Variants in OR2T6 observed in about 807,000 individuals in gnomAD.
OR2T6 encodes olfactory receptor family 2 subfamily T member 6.
For missense variants in OR2T6, 424 were observed against 391.6 expected (o/e 1.08, Z -0.70); for synonymous variants, 174 against 148.0 (o/e 1.18, Z -1.27).
intron 1 of OR2T6, among the ~76,000 whole-genome samples, chr1:248,382,352 C>T (rs1661048759): frequency 6.6e-6 from 1 of 152,132 alleles, no homozygotes; most frequent in South Asian, 2.1e-4. Flanking sequence ...CCCAGACACA[C>T]ACAGTGTATT....
chr1:248,388,247 G>C lies in OR2T6; in HGVS notation c.639G>C (p.Val213=). The C allele has an allele frequency of 6.2e-7, 1 of 1,613,948 alleles. No individual in the cohort carries two copies. The highest frequency in any genetic ancestry group is 8.5e-7 in the Non-Finnish European group (1 of 1,179,950). Reference sequence around the variant, plus strand: ...CAATGCTGCTGATCCCCTTCTCGGTGGTGACTGCATCCTACACCAGGATTC... The same window carrying C: ...CAATGCTGCTGATCCCCTTCTCGGTCGTGACTGCATCCTACACCAGGATTC... ...CVAMLLIPFS[V]VTASYTRILI... The change falls in exon 3 of 3, where the codon GTG becomes GTC. Residue 213 remains valine, a synonymous_variant. Coordinates refer to ENST00000641644, the MANE Select transcript of OR2T6 (RefSeq NM_001005471.2).
chr1:248,381,959 G>A (rs1007844139), intron 1 of OR2T6, among the ~76,000 whole-genome samples: 2 of 152,068 alleles, frequency 1.3e-5, no homozygotes. Context: ...TGAACAGATA[G>A]CACATTCTAG....
At chr1:248,387,069 A>G (rs7417519) in intron 2 of OR2T6, among the ~76,000 whole-genome samples, 112,813 of 152,142 alleles carry the variant, frequency 0.74, 42,225 homozygotes, top group African/African-American at 0.83. Context: ...CATAAGAATG[A>G]CCAATGATCA....
chr1:248,388,467 C>G lies in OR2T6; in HGVS notation c.859C>G (p.Pro287Ala). 6.2e-7 allele frequency: 1 copy of G among 1,609,168 alleles called. No individual in the cohort carries two copies. The highest frequency in any genetic ancestry group is 8.5e-7 in the Non-Finnish European group (1 of 1,177,440). ...FYTILTPLLN[P>A]LIYSLRNRDV... is the part of the protein sequence containing the mutation. ...TACCATCCTCACACCCTTATTAAACCCTCTCATCTACAGTCTGAGGAACAG... is the reference window on the plus strand; with the variant it reads ...TACCATCCTCACACCCTTATTAAACGCTCTCATCTACAGTCTGAGGAACAG... Residue 287 changes from proline to alanine, a missense_variant, in exon 3 of 3, where the codon CCT becomes GCT. Physicochemically the swap from Pro to Ala is conservative, Grantham distance 27. Coordinates refer to ENST00000641644, the MANE Select transcript of OR2T6 (RefSeq NM_001005471.2).
At chr1:248,386,853 C>T (rs538705429) in intron 2 of OR2T6, among the ~76,000 whole-genome samples, 20 of 152,342 alleles carry the variant, frequency 1.3e-4, no homozygotes, top group African/African-American at 4.8e-4. Flanking sequence ...AAGTTTTCCG[C>T]AAAGCCCTTA....
Position 248,388,608 on chromosome 1 carries a change from G to T in OR2T6, c.*73G>T. The T allele has an allele frequency of 8.6e-7, 1 of 1,159,578 alleles. No individual in the cohort carries two copies. The highest frequency in any genetic ancestry group is 1.2e-6 in the Non-Finnish European group (1 of 823,870). The allele number at this position is 1,159,578 out of a possible 1,614,324, so 71.8% of individuals were successfully genotyped here. A position where few individuals can be genotyped will look rare whatever the true frequency, so the allele number is the denominator to read the frequency against. On this transcript the variant is annotated 3_prime_UTR_variant, in exon 3 of 3. Transcript: ENST00000641644. The stretch of plus-strand genomic sequence containing the variant: ...CACATCCTGTTCAGGCATATATGGG[G>T]TCGTATCATGGATACCACGGATGAT...
chr1:248,381,359 T>G (rs1480921640), intron 1 of OR2T6, among the ~76,000 whole-genome samples: 1 of 152,090 alleles, frequency 6.6e-6, no homozygotes, highest in Non-Finnish European at 1.5e-5. Context: ...TTGTATATGT[T>G]TTTATTTATA....
At chr1:248,382,767 A>G (rs28546934) in intron 1 of OR2T6, among the ~76,000 whole-genome samples, 115,345 of 151,926 alleles carry the variant, frequency 0.76, 44,481 homozygotes, top group African/African-American at 0.9. Flanking sequence ...CAGGTGATCC[A>G]CCCACTTTGG....
At chr1:248,386,528 G>GA (rs1167476973) in intron 2 of OR2T6, among the ~76,000 whole-genome samples, 1 of 151,902 alleles carries the variant, frequency 6.6e-6, no homozygotes, top group African/African-American at 2.4e-5. Flanking sequence ...GAGATAAAAA[G>GA]AAAAAAACAG....
Position 248,390,901 on chromosome 1 carries a change from G to T in OR2T6, c.*2366G>T. 6.6e-6 allele frequency: 1 copy of T among 152,208 alleles called. No individual in the cohort carries two copies. Among genetic ancestry groups the T allele is most frequent in the African/African-American group, 2.4e-5 (1 of 41,538 alleles). 9.4% of individuals were successfully genotyped at this position (152,208 alleles called of 1,614,324 possible). ...TTAATACATACTTTTTTTCTTGTAA[G>T]ATTTTAAAATCAAGTAAAATGATGA... On this transcript the variant is annotated 3_prime_UTR_variant, in exon 3 of 3. Transcript: ENST00000641644.
intron 1 of OR2T6, among the ~76,000 whole-genome samples, chr1:248,377,303 C>G (rs1450357705): frequency 6.6e-6 from 1 of 152,176 alleles, no homozygotes; most frequent in Non-Finnish European, 1.5e-5. Flanking sequence ...GATATCAAAG[C>G]AAATCTTCTG....
chr1:248,388,410 CCA>C lies in OR2T6; in HGVS notation c.803_804del (p.Pro268HisfsTer4). The C allele has an allele frequency of 8.7e-6, 14 of 1,613,768 alleles. No individual in the cohort carries two copies. Among genetic ancestry groups the C allele is most frequent in the Non-Finnish European group, 1.2e-5 (14 of 1,179,806 alleles). On this transcript the variant is annotated frameshift_variant, in exon 3 of 3. Transcript: ENST00000641644. LOFTEE classifies it low-confidence loss of function (END_TRUNC). The part of the protein sequence containing the change: ...TYTLPQSYHT[P>X]IKDKVFSAFY... ...TACGCTTCCCCAATCTTACCACACC[CCA>C]ATCAAAGATAAGGTCTTCTCTGCCT... is the stretch of plus-strand genomic sequence containing the variant.
intron 1 of OR2T6, among the ~76,000 whole-genome samples, chr1:248,382,714 G>C (rs999982603): frequency 1.3e-5 from 2 of 151,900 alleles, no homozygotes; most frequent in Non-Finnish European, 1.5e-5. Context: ...TGTAGAGACA[G>C]GGTTTCACCA....
rs144871693 is a variant in OR2T6, at chr1:248,387,670, A to G, written c.62A>G (p.Asn21Ser). ...GFTLMGLFTHNKCSGFFFGVI... is the reference protein window; with the variant it reads ...GFTLMGLFTHSKCSGFFFGVI... ...ACCCTCATGGGGCTCTTCACTCACAATAAATGCTCAGGATTCTTTTTCGGT... is the reference window on the plus strand; with the variant it reads ...ACCCTCATGGGGCTCTTCACTCACAGTAAATGCTCAGGATTCTTTTTCGGT... Residue 21 changes from asparagine to serine, a missense_variant, in exon 3 of 3, where the codon AAT (asparagine) becomes AGT (serine). Coordinates refer to ENST00000641644, the MANE Select transcript of OR2T6 (RefSeq NM_001005471.2). The G allele has an allele frequency of 1.5e-5, 24 of 1,613,562 alleles. No individual in the cohort carries two copies. The East Asian group carries it at 2.7e-4, about 18-fold the overall frequency.
intron 1 of OR2T6, among the ~76,000 whole-genome samples, chr1:248,381,928 G>A (rs1661040531): frequency 6.6e-6 from 1 of 151,956 alleles, no homozygotes. Flanking sequence ...TGTATCTAAT[G>A]ATATCGATAA....
Position 248,388,101 on chromosome 1 carries a change from A to G in OR2T6, c.493A>G (p.Ser165Gly). 1.2e-6 allele frequency: 2 copies of G among 1,614,000 alleles called. No individual in the cohort carries two copies. The highest frequency in any genetic ancestry group is 1.7e-6 in the Non-Finnish European group (2 of 1,180,016). Reference protein sequence around the residue: ...DSFLLTPITMSLPFCASHQIN... With the variant: ...DSFLLTPITMGLPFCASHQIN... ...TTTTCTCCTCACCCCCATTACCATG[A>G]GTCTCCCGTTCTGTGCCTCTCACCA... The change falls in exon 3 of 3, where the codon AGT (serine) becomes GGT (glycine). Residue 165 changes from serine to glycine, a missense_variant. Physicochemically the swap from Ser to Gly is moderately conservative, Grantham distance 56. Transcript: ENST00000641644.
intron 2 of OR2T6, among the ~76,000 whole-genome samples, 195 bp from the exon 3 acceptor site, chr1:248,387,410 G>T (rs1427489262): frequency 6.6e-6 from 1 of 152,096 alleles, no homozygotes; most frequent in East Asian, 1.9e-4. Context: ...GGGTCCTAAT[G>T]TTGAAATTAT....
rs574259531 is a variant in OR2T6, at chr1:248,388,801, A to G, written c.*266A>G. The G allele has an allele frequency of 4.8e-6, 2 of 412,548 alleles. No homozygotes were observed. Among genetic ancestry groups the G allele is most frequent in the East Asian group, 7.0e-5 (2 of 28,454 alleles). 25.6% of individuals were successfully genotyped at this position (412,548 alleles called of 1,614,324 possible). On this transcript the variant is annotated 3_prime_UTR_variant, in exon 3 of 3. Transcript: ENST00000641644. ...CTACTGATTCCAAGTCTTCTCTCAT[A>G]TCACTTCTCTGATTGCAGTTTGTGT...
chr1:248,387,736 G>T lies in OR2T6; in HGVS notation c.128G>T (p.Gly43Val), dbSNP rs986051610. ...TTCTTCATGGCCATGATAGCTAATGGGGTCATGATCTTCCTGATTAACATA... is the reference window on the plus strand; with the variant it reads ...TTCTTCATGGCCATGATAGCTAATGTGGTCATGATCTTCCTGATTAACATA... ...AVFFMAMIAN[G>V]VMIFLINIDP... Residue 43 changes from glycine (G) to valine (V), a missense_variant, in exon 3 of 3, where the codon GGG becomes GTG. Physicochemically the swap from Gly to Val is moderately radical, Grantham distance 109. Coordinates refer to ENST00000641644, the MANE Select transcript of OR2T6 (RefSeq NM_001005471.2). 1.2e-6 allele frequency: 2 copies of T among 1,613,598 alleles called. No homozygotes were observed. Among genetic ancestry groups the T allele is most frequent in the Admixed American group, 1.7e-5 (1 of 59,980 alleles).
Sources: allele counts gnomAD v4.1 joint callset (sites outside exome capture counted in the v4.1 genomes callset), GRCh38; gene constraint gnomAD v4.1.1; transcripts MANE v1.5; gene names NCBI Gene and HGNC (gene_info 2026-07-23, HGNC 2026-07-21).